Variants in MAP3K7 observed in about 807,000 individuals in gnomAD.
MAP3K7 encodes the protein TGF-beta activated kinase 1.
Under a neutral mutation model 84.8 loss-of-function variants are expected in MAP3K7, and 21 were observed. That is an observed-to-expected ratio of 0.25 (90% CI 0.18 to 0.36). The LOEUF is 0.36. Ranked by LOEUF, MAP3K7 falls within the 10% of genes least tolerant of loss-of-function variation. MAP3K7 has a pLI of 1.00. For missense variants in MAP3K7, 503 were observed against 747.7 expected (o/e 0.67, Z 3.82); for synonymous variants, 241 against 247.7 (o/e 0.97, Z 0.25).
chr6:90,559,101 C>G (rs1317972794), intron 5 of MAP3K7, among the ~76,000 whole-genome samples: 1 of 152,040 alleles, frequency 6.6e-6, no homozygotes, highest in Admixed American at 6.5e-5. Flanking sequence ...AAGATAATAG[C>G]CTCAGGAAAA....
intron 1 of MAP3K7, 97 bp downstream of exon 1, chr6:90,586,667 T>G: frequency 2.0e-6 from 3 of 1,466,196 alleles, no homozygotes; most frequent in Non-Finnish European, 1.8e-6. Context: ...GTCCCGCGAA[T>G]TAGAGGGGCC....
chr6:90,564,549 G>C (rs1001183597), intron 3 of MAP3K7, among the ~76,000 whole-genome samples: 45 of 152,212 alleles, frequency 3.0e-4, no homozygotes, highest in African/African-American at 1.1e-3. Context: ...ACCCAATACA[G>C]GAGCACCCAG....
intron 3 of MAP3K7, among the ~76,000 whole-genome samples, chr6:90,565,612 A>G (rs1209831644): frequency 1.3e-5 from 2 of 152,230 alleles, no homozygotes; most frequent in Non-Finnish European, 2.9e-5. Context: ...AGATGGATTC[A>G]CAGCCGAATT....
intron 12 of MAP3K7, among the ~76,000 whole-genome samples, chr6:90,541,614 A>G (rs903094563): frequency 6.6e-6 from 1 of 152,024 alleles, no homozygotes; most frequent in Non-Finnish European, 1.5e-5. Context: ...GGTATAAAAA[A>G]TTGTACAGTC....
chr6:90,571,652 A>G, intron 2 of MAP3K7, 45 bp downstream of exon 2: 1 of 1,118,220 alleles, frequency 8.9e-7, no homozygotes, highest in Non-Finnish European at 1.3e-6. Flanking sequence ...TTCACAGAGT[A>G]TCTTAAGTGC....
chr6:90,523,533 A>G, intron 14 of MAP3K7, 145 bp downstream of exon 14: 1 of 490,212 alleles, frequency 2.0e-6, no homozygotes. Context: ...GTATTTTAAC[A>G]TGTATTACTA....
intron 16 of MAP3K7, among the ~76,000 whole-genome samples, chr6:90,517,262 T>A (rs1388970552): frequency 6.6e-6 from 1 of 151,844 alleles, no homozygotes. Flanking sequence ...CTCATTCTTT[T>A]ATAGTCTGAT....
intron 1 of MAP3K7, among the ~76,000 whole-genome samples, chr6:90,585,065 T>C (rs905585579): frequency 2.0e-5 from 3 of 152,220 alleles, no homozygotes; most frequent in Admixed American, 2.0e-4. Context: ...TGTCAGGCCC[T>C]GTGGTAGGTG....
chr6:90,554,084 T>C lies in MAP3K7; in HGVS notation c.608-498A>G, dbSNP rs535867490. 4.6e-5 allele frequency among the ~76,000 whole-genome samples: 7 copies of C among 152,216 alleles called. No individual in the cohort carries two copies. The East Asian group carries it at 1.4e-3, about 29-fold the overall frequency. On this transcript the variant is annotated intron_variant, in intron 6 of 16. Coordinates refer to ENST00000369329, the MANE Select transcript of MAP3K7 (RefSeq NM_145331.3). ...GCACAACTGGTTAATTTTTTAAATTTTTTGTAGAGATGGGGTCTTGCCATG... is the reference window on the plus strand; with the variant it reads ...GCACAACTGGTTAATTTTTTAAATTCTTTGTAGAGATGGGGTCTTGCCATG...
chr6:90,553,958 G>A (rs989627753), intron 6 of MAP3K7, among the ~76,000 whole-genome samples: 1 of 152,128 alleles, frequency 6.6e-6, no homozygotes, highest in Non-Finnish European at 1.5e-5. Flanking sequence ...TTTATTCTGA[G>A]ACAGGATCTC....
rs368244160 is a variant in MAP3K7 at position 90,547,344 on chromosome 6, C to T, written c.1124G>A (p.Ser375Asn). ...AGAGGTTGGGGGCAAGCTCTCCACA[C>T]TGCTCCCACGGGAGGCTCCCAAGCT... ...RLSLGASRGS[S>N]VESLPPTSEG... Residue 375 changes from serine (S) to asparagine (N), a missense_variant, in exon 11 of 17, where the codon AGT (serine) becomes AAT (asparagine). Physicochemically the swap from Ser to Asn is conservative, Grantham distance 46. Transcript: ENST00000369329. 6.2e-7 allele frequency: 1 copy of T among 1,612,526 alleles called. No homozygotes were observed. The highest frequency in any genetic ancestry group is 1.3e-5 in the African/African-American group (1 of 74,730).
intron 16 of MAP3K7, among the ~76,000 whole-genome samples, chr6:90,517,844 T>C (rs1775017694): frequency 6.6e-6 from 1 of 151,472 alleles, no homozygotes; most frequent in African/African-American, 2.4e-5. Flanking sequence ...TTGCCAAAAT[T>C]TTTTCCTTAT....
intron 4 of MAP3K7, 107 bp from the exon 5 acceptor site, chr6:90,560,321 T>C (rs2127978681): frequency 3.6e-6 from 4 of 1,108,134 alleles, no homozygotes; most frequent in Non-Finnish European, 5.3e-6. Flanking sequence ...TTTCTACATA[T>C]ACATATGCTC....
intron 9 of MAP3K7, among the ~76,000 whole-genome samples, chr6:90,550,226 C>A (rs766711126): frequency 1.3e-5 from 2 of 151,978 alleles, no homozygotes; most frequent in Non-Finnish European, 2.9e-5. Context: ...ATACAATATG[C>A]CATCTTTTTA....
At chr6:90,536,541 T>C (rs1775685906) in intron 12 of MAP3K7, 140 bp from the exon 13 acceptor site, 4 of 617,430 alleles carry the variant, frequency 6.5e-6, no homozygotes, top group South Asian at 5.9e-5. Flanking sequence ...AGTGAGTTTA[T>C]TGCTAAGAAA....
intron 14 of MAP3K7, among the ~76,000 whole-genome samples, chr6:90,521,536 A>C (rs539733668): frequency 6.6e-6 from 1 of 152,192 alleles, no homozygotes; most frequent in Admixed American, 6.6e-5. Context: ...GATTTCTCTT[A>C]CAACTATCAA....
At chr6:90,547,521 T>C in intron 10 of MAP3K7, 134 bp from the exon 11 acceptor site, 1 of 951,290 alleles carries the variant, frequency 1.1e-6, no homozygotes, top group Non-Finnish European at 1.5e-6. Flanking sequence ...GGGAAGTTTG[T>C]ACGAGAGGGA....
chr6:90,561,613 G>A lies in MAP3K7; in HGVS notation c.343+9C>T. 6.3e-7 allele frequency: 1 copy of A among 1,599,846 alleles called. No homozygotes were observed. The highest frequency in any genetic ancestry group is 8.6e-7 in the Non-Finnish European group (1 of 1,167,960). ...TCCACTAGATAAAGACAGGTCTAAT[G>A]ACACTCACCATTATATAAAGAGCCC... On this transcript the variant is annotated intron_variant, in intron 4 of 16. Transcript: ENST00000369329.
At chr6:90,520,236 C>T (rs1377454216) in intron 14 of MAP3K7, among the ~76,000 whole-genome samples, 9 of 151,812 alleles carry the variant, frequency 5.9e-5, no homozygotes, top group Middle Eastern at 3.2e-3. Context: ...CTTTTTCTGA[C>T]GAATAACTCC....
Sources: gnomAD v4.1 joint callset for allele counts (sites outside exome capture counted in the v4.1 genomes callset) on GRCh38, gnomAD v4.1.1 for gene constraint, MANE v1.5 for transcripts, NCBI Gene and HGNC (gene_info 2026-07-23, HGNC 2026-07-21) for gene names.